SH3PXD2A: variants seen among roughly 807,000 people sequenced by gnomAD.
The protein encoded by SH3PXD2A is SH3 and PX domains 2A, also known as SH3 and PX domain-containing protein 2A.
Under a neutral mutation model 115.2 loss-of-function variants are expected in SH3PXD2A, and 32 were observed. The observed-to-expected ratio is 0.28, with a 90% CI of 0.21 to 0.37. The LOEUF is 0.37. Among genes scored for constraint, SH3PXD2A ranks in the 10% least tolerant of loss-of-function variants. The pLI is 1.00. For missense variants in SH3PXD2A, 1,328 were observed against 1,498.7 expected, an observed-to-expected ratio of 0.89 and a Z score of 1.88; for synonymous variants, 610 against 629.1, an observed-to-expected ratio of 0.97 and a Z score of 0.45.
chr10:103,815,345 A>C (rs2039313208), intron 1 of SH3PXD2A, among the ~76,000 whole-genome samples: 2 of 151,368 alleles, frequency 1.3e-5, no homozygotes, highest in African/African-American at 4.8e-5. Context: ...GGAACATATA[A>C]AGAACTCTTA....
intron 3 of SH3PXD2A, among the ~76,000 whole-genome samples, chr10:103,766,734 C>T (rs1469986928): frequency 6.6e-6 from 1 of 152,156 alleles, no homozygotes; most frequent in African/African-American, 2.4e-5. Context: ...TTAAGGTTAT[C>T]CGTGATTAGA....
chr10:103,790,783 T>C (rs2039027849), intron 2 of SH3PXD2A, among the ~76,000 whole-genome samples: 1 of 152,186 alleles, frequency 6.6e-6, no homozygotes, highest in Non-Finnish European at 1.5e-5. Context: ...GAGAATGCCA[T>C]GATCAATTAG....
chr10:103,696,858 A>G (rs1272926154), intron 5 of SH3PXD2A, among the ~76,000 whole-genome samples: 2 of 152,166 alleles, frequency 1.3e-5, no homozygotes, highest in African/African-American at 4.8e-5. Flanking sequence ...GAAAACAGGG[A>G]CATGGGACTT....
chr10:103,653,839 A>G (rs2134030126), intron 8 of SH3PXD2A, among the ~76,000 whole-genome samples: 1 of 152,116 alleles, frequency 6.6e-6, no homozygotes, highest in East Asian at 1.9e-4. Flanking sequence ...CTCCCCACAC[A>G]GCCCGGAGGG....
chr10:103,744,848 G>A (rs1389193912), intron 3 of SH3PXD2A, among the ~76,000 whole-genome samples: 1 of 152,216 alleles, frequency 6.6e-6, no homozygotes, highest in Non-Finnish European at 1.5e-5. Flanking sequence ...CCAAGATGCT[G>A]CCTCTGGCTT....
intron 1 of SH3PXD2A, among the ~76,000 whole-genome samples, chr10:103,841,615 C>T (rs1396990361): frequency 6.6e-5 from 10 of 152,114 alleles, no homozygotes; most frequent in Non-Finnish European, 1.2e-4. Context: ...CAAGGCTCAA[C>T]GTGACCCTTT....
chr10:103,654,818 T>C (rs929260557), intron 8 of SH3PXD2A, among the ~76,000 whole-genome samples: 2 of 151,994 alleles, frequency 1.3e-5, no homozygotes, highest in Non-Finnish European at 2.9e-5. Flanking sequence ...CCCAAGAAAC[T>C]TCCCCAGGAT....
intron 1 of SH3PXD2A, among the ~76,000 whole-genome samples, chr10:103,816,347 G>A (rs77050715): frequency 0.15 from 22,292 of 152,174 alleles, 2,160 homozygotes; most frequent in Non-Finnish European, 0.2. Context: ...ATGGGCAAAG[G>A]ATCTGAATAG....
At chr10:103,646,229 T>C (rs2037034291) in intron 8 of SH3PXD2A, among the ~76,000 whole-genome samples, 1 of 152,112 alleles carries the variant, frequency 6.6e-6, no homozygotes, top group Admixed American at 6.5e-5. Flanking sequence ...TGACCTAGGA[T>C]TAGGTTCTCT....
At chr10:103,704,200 C>A (rs2037954357) in intron 5 of SH3PXD2A, among the ~76,000 whole-genome samples, 1 of 152,158 alleles carries the variant, frequency 6.6e-6, no homozygotes, top group African/African-American at 2.4e-5. Context: ...ACAGAACCAC[C>A]TGGGACAGAA....
At chr10:103,714,384 T>C (rs1345194775) in intron 5 of SH3PXD2A, among the ~76,000 whole-genome samples, 2 of 152,190 alleles carry the variant, frequency 1.3e-5, no homozygotes, top group African/African-American at 2.4e-5. Flanking sequence ...CTCCCCACCC[T>C]GAAGAAAATC....
intron 1 of SH3PXD2A, among the ~76,000 whole-genome samples, chr10:103,843,463 T>A (rs1331487691): frequency 6.6e-6 from 1 of 152,240 alleles, no homozygotes; most frequent in Non-Finnish European, 1.5e-5. Flanking sequence ...ATGTGGAGAC[T>A]GGCAGCTGAA....
At position 103,852,440 on chromosome 10, in the gene SH3PXD2A, T is replaced by C. The variant is rs568026251; in HGVS notation, c.72+2755A>G. Among the ~76,000 whole-genome samples the C allele has an allele frequency of 2.6e-5, 4 of 152,340 alleles. No homozygotes were observed. In the South Asian group the frequency reaches 8.3e-4, roughly 32 times the overall value. On this transcript the variant is annotated intron_variant, in intron 1 of 14. Transcript: ENST00000369774. ...GGCCCCAGGCCTCTCATCGGCTAGC[T>C]CTGGCTAACACGCACATCCCGTAAA...
chr10:103,844,151 C>T (rs1400796920), intron 1 of SH3PXD2A, among the ~76,000 whole-genome samples: 2 of 152,222 alleles, frequency 1.3e-5, no homozygotes, highest in Non-Finnish European at 2.9e-5. Flanking sequence ...AGTTTGCCAG[C>T]CCACTGAGGC....
At chr10:103,829,325 G>A (rs2039463179) in intron 1 of SH3PXD2A, among the ~76,000 whole-genome samples, 1 of 152,136 alleles carries the variant, frequency 6.6e-6, no homozygotes, top group Non-Finnish European at 1.5e-5. Flanking sequence ...CTTAAAGACT[G>A]TAATTTATTA....
rs757063786 is a variant in SH3PXD2A at position 103,602,207 on chromosome 10, G to A, written c.3011C>T (p.Thr1004Met). ...GACGCCTCGGAGGCCATCAGTGGCC[G>A]TGAGTGACTCATTCCTCCGCAGGGC... is the stretch of plus-strand genomic sequence containing the variant. Reference protein sequence around the residue: ...SCALRRNESLTATDGLRGVRR... With the variant: ...SCALRRNESLMATDGLRGVRR... The change falls in exon 15 of 15, where the codon ACG (threonine) becomes ATG (methionine). Residue 1004 changes from threonine to methionine, a missense_variant. Thr to Met is a moderately conservative substitution (Grantham distance 81). Coordinates refer to ENST00000369774, the MANE Select transcript of SH3PXD2A (RefSeq NM_001394015.1). The A allele has an allele frequency of 2.3e-5, 37 of 1,588,356 alleles. No individual in the cohort carries two copies. The highest frequency in any genetic ancestry group is 2.9e-5 in the Non-Finnish European group (34 of 1,165,620).
chr10:103,633,358 G>A (rs2036811221), intron 8 of SH3PXD2A, among the ~76,000 whole-genome samples: 1 of 152,024 alleles, frequency 6.6e-6, no homozygotes, highest in African/African-American at 2.4e-5. Flanking sequence ...GGAGGTTGCA[G>A]TGAGCCAAGA....
chr10:103,710,698 C>T (rs1245851794), intron 5 of SH3PXD2A, among the ~76,000 whole-genome samples: 3 of 152,138 alleles, frequency 2.0e-5, no homozygotes, highest in East Asian at 3.9e-4. Flanking sequence ...GTATATGCCA[C>T]AAGTGAGACG....
chr10:103,699,663 GC>G (rs2134139960), intron 5 of SH3PXD2A, among the ~76,000 whole-genome samples: 1 of 152,290 alleles, frequency 6.6e-6, no homozygotes, highest in Admixed American at 6.5e-5. Context: ...GCTTTTGAGA[GC>G]CTTTGCACGG....
Sources: allele counts gnomAD v4.1 joint callset (sites outside exome capture counted in the v4.1 genomes callset), GRCh38; gene constraint gnomAD v4.1.1; transcripts MANE v1.5; gene names NCBI Gene and HGNC (gene_info 2026-07-23, HGNC 2026-07-21).